ITGA6: variants seen among roughly 807,000 people sequenced by gnomAD.
The protein encoded by ITGA6 is integrin subunit alpha 6.
A neutral mutation model predicts 133.6 loss-of-function variants in ITGA6; 63 were observed. That is an observed-to-expected ratio of 0.47 (90% CI 0.38 to 0.58). The LOEUF is 0.58. Ranked by LOEUF, ITGA6 falls within the 20% of genes least tolerant of loss-of-function variation. The pLI is 0.00. For missense variants in ITGA6, 1,068 were observed against 1,309.4 expected, an observed-to-expected ratio of 0.82 and a Z score of 2.85; for synonymous variants, 434 against 482.0, an observed-to-expected ratio of 0.90 and a Z score of 1.30.
intron 4 of ITGA6, 83 bp from the exon 5 acceptor site, chr2:172,470,891 A>G (rs1023949383): frequency 2.2e-5 from 32 of 1,427,754 alleles, no homozygotes; most frequent in Non-Finnish European, 3.0e-5. Context: ...TAGTGATAGC[A>G]TGGGGGATGT....
chr2:172,453,299 G>A (rs548007189), intron 1 of ITGA6, among the ~76,000 whole-genome samples: 2 of 152,236 alleles, frequency 1.3e-5, no homozygotes, highest in African/African-American at 4.8e-5. Context: ...GGCCGAGGCA[G>A]GAGGATCGCT....
At position 172,464,007 on chromosome 2, in the gene ITGA6, AG is replaced by A. The variant is rs112797054; in HGVS notation, c.183-1531del. ...ACACTGCTCCAGTTCCTAATTTAAA[AG>A]TCTGTGTGTCAGTTCTGTACCTTGG... On this transcript the variant is annotated intron_variant, in intron 1 of 25. Coordinates refer to ENST00000684293, the MANE Select transcript of ITGA6 (RefSeq NM_000210.4). Among the ~76,000 whole-genome samples, 978 of 152,270 alleles carry A rather than the reference AG, an allele frequency of 6.4e-3. 13 individuals carry two copies. Among genetic ancestry groups the A allele is most frequent in the African/African-American group, 0.022 (905 of 41,552 alleles).
chr2:172,457,504 C>T (rs1574347597), intron 1 of ITGA6, among the ~76,000 whole-genome samples: 1 of 152,014 alleles, frequency 6.6e-6, no homozygotes, highest in South Asian at 2.1e-4. Flanking sequence ...TGATGAAATA[C>T]AAATAAAATT....
chr2:172,427,371 G>T (rs761594127), upstream of ITGA6: 186 of 1,008,426 alleles, frequency 1.8e-4, no homozygotes, highest in Non-Finnish European at 2.1e-4. Flanking sequence ...TCCACAGAGG[G>T]CGGCGCAGTG....
At chr2:172,479,438 A>T (rs907232198) in intron 9 of ITGA6, among the ~76,000 whole-genome samples, 1 of 152,220 alleles carries the variant, frequency 6.6e-6, no homozygotes, top group Non-Finnish European at 1.5e-5. Context: ...TTAAACAAAT[A>T]TTGTATAATG....
intron 1 of ITGA6, among the ~76,000 whole-genome samples, chr2:172,440,046 C>T (rs1436548461): frequency 6.6e-6 from 1 of 152,150 alleles, no homozygotes; most frequent in Non-Finnish European, 1.5e-5. Flanking sequence ...AGTGGAGTCT[C>T]AGAATTCTTC....
chr2:172,483,397 A>G (rs1019266349), intron 11 of ITGA6, among the ~76,000 whole-genome samples: 1 of 152,184 alleles, frequency 6.6e-6, no homozygotes. Flanking sequence ...GGTCTCTTCC[A>G]ACTCTAAAGT....
At chr2:172,494,740 G>T (rs577600747) in intron 23 of ITGA6, among the ~76,000 whole-genome samples, 4 of 152,186 alleles carry the variant, frequency 2.6e-5, no homozygotes, top group Non-Finnish European at 5.9e-5. Context: ...ATGTCATGCT[G>T]TAGGAGACAG....
intron 1 of ITGA6, among the ~76,000 whole-genome samples, chr2:172,453,555 G>GT (rs1238251047): frequency 1.3e-5 from 2 of 152,088 alleles, no homozygotes; most frequent in African/African-American, 2.4e-5. Flanking sequence ...GAATACAAAG[G>GT]TTTTTTGTGT....
chr2:172,504,357 A>G lies in ITGA6; in HGVS notation c.*289A>G, dbSNP rs751097294. Reference sequence around the variant, plus strand: ...TGCTCAATCCCTGAGGACTGATTTCAGAGTGACTACACACAGTACGAACCT... The same window carrying G: ...TGCTCAATCCCTGAGGACTGATTTCGGAGTGACTACACACAGTACGAACCT... On this transcript the variant is annotated 3_prime_UTR_variant, in exon 26 of 26. Coordinates refer to ENST00000684293, the MANE Select transcript of ITGA6 (RefSeq NM_000210.4). The G allele has an allele frequency of 4.0e-5, 34 of 841,426 alleles. No homozygotes were observed. Among genetic ancestry groups the G allele is most frequent in the Non-Finnish European group, 6.1e-5 (33 of 542,300 alleles). 52.1% of individuals were successfully genotyped at this position (841,426 alleles called of 1,614,324 possible).
intron 1 of ITGA6, among the ~76,000 whole-genome samples, chr2:172,459,701 C>T (rs1457498508): frequency 2.6e-5 from 4 of 152,174 alleles, no homozygotes; most frequent in African/African-American, 9.7e-5. Flanking sequence ...CTCAGTTTAC[C>T]TGTCATATGC....
At chr2:172,429,373 G>A (rs1684017471) in intron 1 of ITGA6, among the ~76,000 whole-genome samples, 1 of 152,148 alleles carries the variant, frequency 6.6e-6, no homozygotes, top group Non-Finnish European at 1.5e-5. Context: ...GACGTTTATT[G>A]TCTCGGAATA....
In ITGA6 at chr2:172,446,491, T is replaced by C. The variant is rs535591597; in HGVS notation, c.182+18521T>C. On this transcript the variant is annotated intron_variant, in intron 1 of 25. Transcript: ENST00000684293. ...GTGATGAATTAATGATAAAACTTTATTCCCATAACAGAAATTTACTAAGCA... is the reference window on the plus strand; with the variant it reads ...GTGATGAATTAATGATAAAACTTTACTCCCATAACAGAAATTTACTAAGCA... Among the ~76,000 whole-genome samples, 5 of 152,364 alleles carry C rather than the reference T, an allele frequency of 3.3e-5. No individual in the cohort carries two copies. In the South Asian group the frequency reaches 1.0e-3, roughly 32 times the overall value.
At chr2:172,450,870 A>AAT (rs1372717880) in intron 1 of ITGA6, among the ~76,000 whole-genome samples, 3 of 147,094 alleles carry the variant, frequency 2.0e-5, no homozygotes, top group African/African-American at 7.4e-5. Context: ...ATAATATACA[A>AAT]ATATATTTAT....
rs142245352 is a variant in ITGA6, at chr2:172,472,409, A to G, written c.775+1304A>G. ...AGAAACCAATACTTTGGTCTTTAAG[A>G]TGGATGGCTGTGGATTTTATAAATT... On this transcript the variant is annotated intron_variant, in intron 5 of 25. Coordinates refer to ENST00000684293, the MANE Select transcript of ITGA6 (RefSeq NM_000210.4). Among the ~76,000 whole-genome samples the G allele has an allele frequency of 4.8e-3, 729 of 152,378 alleles. 5 individuals carry two copies. Among genetic ancestry groups the G allele is most frequent in the African/African-American group, 0.016 (685 of 41,594 alleles).
In ITGA6 at chr2:172,430,765, C is replaced by T. The variant is rs997655796; in HGVS notation, c.182+2795C>T. Among the ~76,000 whole-genome samples the T allele has an allele frequency of 9.2e-5, 14 of 152,152 alleles. No homozygotes were observed. In the South Asian group the frequency reaches 1.0e-3, roughly 11 times the overall value. On this transcript the variant is annotated intron_variant, in intron 1 of 25. Coordinates refer to ENST00000684293, the MANE Select transcript of ITGA6 (RefSeq NM_000210.4). ...TTCAGGCTGTATATTAAAGAAGTTTCGGACTCCAAAAGATTACTCAATGGT... is the reference window on the plus strand; with the variant it reads ...TTCAGGCTGTATATTAAAGAAGTTTTGGACTCCAAAAGATTACTCAATGGT...
intron 1 of ITGA6, among the ~76,000 whole-genome samples, chr2:172,430,634 C>T (rs1684067966): frequency 6.6e-6 from 1 of 152,198 alleles, no homozygotes; most frequent in Non-Finnish European, 1.5e-5. Context: ...CCAGTTATGA[C>T]TTTTGCAGAA....
At chr2:172,460,721 A>G (rs1405497826) in intron 1 of ITGA6, among the ~76,000 whole-genome samples, 3 of 152,200 alleles carry the variant, frequency 2.0e-5, no homozygotes, top group Non-Finnish European at 2.9e-5. Flanking sequence ...TGAGTTTGAA[A>G]ATGGGTTAAA....
At chr2:172,449,384 CTACCTAAGG>C (rs1684891379) in intron 1 of ITGA6, among the ~76,000 whole-genome samples, 1 of 152,158 alleles carries the variant, frequency 6.6e-6, no homozygotes, top group South Asian at 2.1e-4. Flanking sequence ...TGAATAATAT[CTACCTAAGG>C]TACCTAAGGT....
Sources: gnomAD v4.1 joint callset for allele counts (sites outside exome capture counted in the v4.1 genomes callset) on GRCh38, gnomAD v4.1.1 for gene constraint, MANE v1.5 for transcripts, NCBI Gene and HGNC (gene_info 2026-07-23, HGNC 2026-07-21) for gene names.